Variants in TERF1 observed in about 807,000 individuals in gnomAD.
TERF1 encodes telomeric repeat binding factor 1.
In TERF1, 20 loss-of-function variants were observed where a neutral mutation model predicts 55.1. That is an observed-to-expected ratio of 0.36 (90% CI 0.26 to 0.53). TERF1 has a LOEUF of 0.53. Among genes scored for constraint, TERF1 ranks in the 20% least tolerant of loss-of-function variants. The probability of loss-of-function intolerance (pLI) is 0.91; values close to 1 mark genes in which losing one functional copy is unlikely to be tolerated. For synonymous variants in TERF1, 168 were observed against 181.2 expected, an observed-to-expected ratio of 0.93 and a Z score of 0.59; for missense variants, 439 against 535.7, an observed-to-expected ratio of 0.82 and a Z score of 1.78.
intron 8 of TERF1, among the ~76,000 whole-genome samples, chr8:73,037,621 ATATAT>A (rs2094697493): frequency 9.7e-6 from 1 of 103,408 alleles, no homozygotes; most frequent in African/African-American, 4.0e-5. Flanking sequence ...TATATATATT[ATATAT>A]TATATATAAC....
At position 73,022,206 on chromosome 8, in the gene TERF1, C is replaced by A; in HGVS notation, c.538-10C>A. 6.4e-7 allele frequency: 1 copy of A among 1,560,190 alleles called. No individual in the cohort carries two copies. Among genetic ancestry groups the A allele is most frequent in the Non-Finnish European group, 8.7e-7 (1 of 1,152,880 alleles). On this transcript the variant is annotated splice_polypyrimidine_tract_variant and intron_variant, in intron 3 of 9. Coordinates refer to ENST00000276603, the MANE Select transcript of TERF1 (RefSeq NM_017489.3). Reference sequence around the variant, plus strand: ...AACGCAGTCTAAGGTTGGTATTTTTCATCTTTTAGGCTATAGCTGTTTGTA... The same window carrying A: ...AACGCAGTCTAAGGTTGGTATTTTTAATCTTTTAGGCTATAGCTGTTTGTA...
chr8:73,034,693 A>G (rs928293028), intron 8 of TERF1, among the ~76,000 whole-genome samples: 1 of 152,236 alleles, frequency 6.6e-6, no homozygotes, highest in East Asian at 1.9e-4. Context: ...AAAACTCACC[A>G]GCATTGAGTG....
intron 8 of TERF1, among the ~76,000 whole-genome samples, chr8:73,036,512 A>C (rs1452037740): frequency 6.6e-6 from 1 of 152,124 alleles, no homozygotes; most frequent in African/African-American, 2.4e-5. Flanking sequence ...TTTCCTGTGC[A>C]TGAACAAAAT....
chr8:73,031,978 A>T, intron 7 of TERF1, 64 bp from the exon 8 acceptor site: 1 of 1,112,592 alleles, frequency 9.0e-7, no homozygotes, highest in Middle Eastern at 3.0e-4. Context: ...CAAATCATTT[A>T]CCTGTTTTCC....
chr8:73,037,612 A>ATG lies in TERF1; in HGVS notation c.1040-1503_1040-1502insGT, dbSNP rs537709255. Among the ~76,000 whole-genome samples the ATG allele has an allele frequency of 2.4e-3, 251 of 102,688 alleles. 7 individuals carry two copies. The highest frequency in any genetic ancestry group is 0.01 in the African/African-American group (243 of 23,896). The allele number at this position is 102,688 out of a possible 152,430, so 67.4% of individuals were successfully genotyped here. On this transcript the variant is annotated intron_variant, in intron 8 of 9. Transcript: ENST00000276603. ...ATATATAACATATCATAAATTTATT[A>ATG]TATATATTATATATTATATATAACA...
At chr8:73,036,325 T>G (rs1341403425) in intron 8 of TERF1, among the ~76,000 whole-genome samples, 1 of 152,210 alleles carries the variant, frequency 6.6e-6, no homozygotes, top group East Asian at 1.9e-4. Context: ...AATAAGGCTT[T>G]TCTACATTCA....
chr8:73,045,792 A>AG (rs1268877034), intron 9 of TERF1, among the ~76,000 whole-genome samples, 169 bp from the exon 10 acceptor site: 1 of 152,196 alleles, frequency 6.6e-6, no homozygotes, highest in African/African-American at 2.4e-5. Flanking sequence ...ACCCCTAAAA[A>AG]TGTTACGATA....
At chr8:73,012,035 C>T (rs1057406306) in intron 1 of TERF1, 20 of 152,134 alleles carry the variant, frequency 1.3e-4, no homozygotes, top group Non-Finnish European at 2.9e-5. Context: ...TCATTTCTAG[C>T]TTTTGATTTA....
In TERF1 at chr8:73,040,044, A is replaced by G. The variant is rs73687067; in HGVS notation, c.1143+825A>G. 7.0e-3 allele frequency among the ~76,000 whole-genome samples: 986 copies of G among 140,636 alleles called. 8 individuals carry two copies. Among genetic ancestry groups the G allele is most frequent in the African/African-American group, 0.025 (904 of 36,736 alleles). The allele number at this position is 140,636 out of a possible 152,430, so 92.3% of individuals were successfully genotyped here. Reference sequence around the variant, plus strand: ...GACAAGCTAATTGCAAATAGTTCATACTGAGGTGCTGCAGATAGTGTCAAG... The same window carrying G: ...GACAAGCTAATTGCAAATAGTTCATGCTGAGGTGCTGCAGATAGTGTCAAG... On this transcript the variant is annotated intron_variant, in intron 9 of 9. Coordinates refer to ENST00000276603, the MANE Select transcript of TERF1 (RefSeq NM_017489.3).
chr8:73,037,806 TATATATTATATATAATATATA>T (rs1809646095), intron 8 of TERF1, among the ~76,000 whole-genome samples: 1 of 100,950 alleles, frequency 9.9e-6, no homozygotes, highest in Non-Finnish European at 1.8e-5. Context: ...TATAATAATA[TATATATTATATATAATATATA>T]GTATAATAAT....
At chr8:73,038,051 G>A (rs908913205) in intron 8 of TERF1, among the ~76,000 whole-genome samples, 1 of 148,630 alleles carries the variant, frequency 6.7e-6, no homozygotes, top group Non-Finnish European at 1.5e-5. Flanking sequence ...TAGGTAGGTA[G>A]GTAAGTAGAT....
intron 3 of TERF1, 63 bp from the exon 4 acceptor site, chr8:73,022,150 TTAA>T: frequency 3.1e-6 from 3 of 972,122 alleles, no homozygotes; most frequent in Middle Eastern, 3.2e-4. Context: ...CTGAGTTATC[TTAA>T]TAATTAAATA....
chr8:73,015,844 A>G (rs1369940263), intron 2 of TERF1, among the ~76,000 whole-genome samples: 4 of 152,196 alleles, frequency 2.6e-5, no homozygotes, highest in Non-Finnish European at 5.9e-5. Flanking sequence ...AGAAATTCCC[A>G]TTCCAGCAGG....
chr8:73,020,959 A>T (rs1268113989), intron 3 of TERF1, among the ~76,000 whole-genome samples, 154 bp downstream of exon 3: 1 of 152,146 alleles, frequency 6.6e-6, no homozygotes. Flanking sequence ...TAACATGAGC[A>T]CTGGGGGCTG....
At chr8:73,010,674 A>G (rs956208727) in intron 1 of TERF1, 5 of 152,220 alleles carry the variant, frequency 3.3e-5, no homozygotes, top group African/African-American at 1.2e-4. Flanking sequence ...TTTATTCCAT[A>G]AAATAAGTGC....
At chr8:73,024,720 T>C in intron 4 of TERF1, 102 bp from the exon 5 acceptor site, 1 of 873,864 alleles carries the variant, frequency 1.1e-6, no homozygotes, top group South Asian at 1.8e-5. Context: ...GTCTCTTGAG[T>C]TTGTAAAGTG....
chr8:73,030,628 A>G, intron 7 of TERF1: 1 of 351,708 alleles, frequency 2.8e-6, no homozygotes, highest in Non-Finnish European at 5.1e-6. Flanking sequence ...ATTGGAATAC[A>G]CATATAGGGA....
chr8:73,038,017 C>T (rs1272680866), intron 8 of TERF1, among the ~76,000 whole-genome samples: 3 of 144,990 alleles, frequency 2.1e-5, no homozygotes, highest in African/African-American at 7.7e-5. Context: ...GTGGAACCTG[C>T]GAATATAGAA....
chr8:73,015,784 GC>G (rs1808478056), intron 2 of TERF1, among the ~76,000 whole-genome samples: 2 of 152,174 alleles, frequency 1.3e-5, no homozygotes, highest in African/African-American at 4.8e-5. Flanking sequence ...CTGTGATTGT[GC>G]CACTTCACTT....
Sources: gnomAD v4.1 joint callset for allele counts (sites outside exome capture counted in the v4.1 genomes callset) on GRCh38, gnomAD v4.1.1 for gene constraint, MANE v1.5 for transcripts, NCBI Gene and HGNC (gene_info 2026-07-23, HGNC 2026-07-21) for gene names.